The following APTX variants were observed in gnomAD, a reference collection of about 807,000 sequenced individuals.
APTX encodes the protein forkhead-associated domain histidine triad-like protein.
A neutral mutation model predicts 42.3 loss-of-function variants in APTX; 33 were observed. That is an observed-to-expected ratio of 0.78 (90% confidence interval 0.59 to 1.04). The LOEUF (loss-of-function observed/expected upper bound fraction) is 1.04. Among genes scored for constraint, APTX ranks in the 50% least tolerant of loss-of-function variants. The probability of loss-of-function intolerance (pLI) is 0.00; values close to 1 mark genes in which losing one functional copy is unlikely to be tolerated. For synonymous variants in APTX, 130 were observed against 146.7 expected, an observed-to-expected ratio of 0.89 and a Z score of 0.82; for missense variants, 421 against 415.1, an observed-to-expected ratio of 1.01 and a Z score of -0.12.
intron 1 of APTX, among the ~76,000 whole-genome samples, chr9:33,000,625 CAAA>C (rs60760701): frequency 3.2e-4 from 20 of 63,426 alleles, no homozygotes; most frequent in African/African-American, 7.7e-4. Context: ...GACTCTGTCT[CAAA>C]AAAAAAAAAA....
chr9:32,989,165 A>T (rs1244523906), intron 2 of APTX, among the ~76,000 whole-genome samples: 1 of 152,198 alleles, frequency 6.6e-6, no homozygotes, highest in Non-Finnish European at 1.5e-5. Flanking sequence ...CTCATATAGG[A>T]AAGATCATAA....
intron 1 of APTX, among the ~76,000 whole-genome samples, chr9:33,008,615 G>C (rs980619069): frequency 6.7e-6 from 1 of 149,314 alleles, no homozygotes. Flanking sequence ...GCAGTGGCAC[G>C]ATCTTGGCTC....
At position 32,986,036 on chromosome 9, in the gene APTX, A is replaced by G; in HGVS notation, c.484-6T>C. ...CTCCAGTGGCCCAGGGATTCCTAAA[A>G]AAAAAACAAAAAAAAAAACAAAAAA... is the stretch of plus-strand genomic sequence containing the variant. On this transcript the variant is annotated splice_polypyrimidine_tract_variant and splice_region_variant and intron_variant, in intron 4 of 7. Transcript: ENST00000379817. 1 of 675,606 alleles carries G rather than the reference A, an allele frequency of 1.5e-6. No homozygotes were observed. Among genetic ancestry groups the G allele is most frequent in the Non-Finnish European group, 2.2e-6 (1 of 463,476 alleles). The allele number at this position is 675,606 out of a possible 1,614,324, so 41.9% of individuals were successfully genotyped here.
chr9:32,976,694 C>T lies in APTX; in HGVS notation c.771-2133G>A, dbSNP rs141455079. On this transcript the variant is annotated intron_variant, in intron 6 of 7. Transcript: ENST00000379817. ...ATCAGAAGCTTTCACTCTTGAAAAGCGTCCTAAACTAAAACAGTGTTCTTC... is the reference window on the plus strand; with the variant it reads ...ATCAGAAGCTTTCACTCTTGAAAAGTGTCCTAAACTAAAACAGTGTTCTTC... Among the ~76,000 whole-genome samples, 420 of 152,294 alleles carry T rather than the reference C, an allele frequency of 2.8e-3. 2 individuals carry two copies. The highest frequency in any genetic ancestry group is 9.7e-3 in the African/African-American group (404 of 41,560).
At chr9:33,023,449 C>A (rs1838562662) in intron 1 of APTX, among the ~76,000 whole-genome samples, 1 of 151,628 alleles carries the variant, frequency 6.6e-6, no homozygotes, top group Non-Finnish European at 1.5e-5. Context: ...GTCTAGAACT[C>A]CGGATCTCAG....
intron 1 of APTX, among the ~76,000 whole-genome samples, chr9:33,020,646 A>G (rs967488664): frequency 6.6e-6 from 1 of 152,258 alleles, no homozygotes; most frequent in Non-Finnish European, 1.5e-5. Flanking sequence ...AGATGAGGAA[A>G]GAGAAAAGAA....
At chr9:32,973,920 C>T (rs941581183) in intron 7 of APTX, among the ~76,000 whole-genome samples, 1 of 152,078 alleles carries the variant, frequency 6.6e-6, no homozygotes, top group Non-Finnish European at 1.5e-5. Flanking sequence ...CATCAGAGTG[C>T]TTTACCTCTG....
At position 32,973,413 on chromosome 9, in the gene APTX, G is replaced by T; in HGVS notation, c.*85C>A. On this transcript the variant is annotated 3_prime_UTR_variant, in exon 8 of 8. Coordinates refer to ENST00000379817, the MANE Select transcript of APTX (RefSeq NM_001195248.2). ...CTGCATGTTTTAATTTAGGAAATGA[G>T]TAGAAGTTCACAAGCAACCCAGAAT... is the stretch of plus-strand genomic sequence containing the variant. The T allele has an allele frequency of 1.4e-6, 2 of 1,455,978 alleles. No homozygotes were observed. The highest frequency in any genetic ancestry group is 1.9e-6 in the Non-Finnish European group (2 of 1,039,202). 90.2% of individuals were successfully genotyped at this position (1,455,978 alleles called of 1,614,324 possible). A position where few individuals can be genotyped will look rare whatever the true frequency, so the allele number is the denominator to read the frequency against.
chr9:33,002,346 C>G (rs1419430582), upstream of APTX, among the ~76,000 whole-genome samples: 1 of 152,156 alleles, frequency 6.6e-6, no homozygotes, highest in Non-Finnish European at 1.5e-5. Context: ...CTGCTAGGCC[C>G]ATCTGTGCAC....
chr9:33,013,785 C>T (rs535061158), intron 1 of APTX, among the ~76,000 whole-genome samples: 10 of 152,258 alleles, frequency 6.6e-5, no homozygotes, highest in Admixed American at 2.6e-4. Flanking sequence ...GCCTGGGCGA[C>T]GGTGCAAGAC....
intron 1 of APTX, among the ~76,000 whole-genome samples, chr9:32,995,523 T>C (rs1346235283): frequency 6.6e-6 from 1 of 152,174 alleles, no homozygotes; most frequent in East Asian, 1.9e-4. Flanking sequence ...TTGCTTCTTA[T>C]GGATGTGCAA....
intron 5 of APTX, among the ~76,000 whole-genome samples, chr9:32,985,293 G>A (rs1831670182): frequency 6.6e-6 from 1 of 150,444 alleles, no homozygotes; most frequent in Non-Finnish European, 1.5e-5. Context: ...TATAATTGAA[G>A]TGGGACTCAA....
intron 1 of APTX, among the ~76,000 whole-genome samples, chr9:33,021,379 C>G (rs1216600014): frequency 6.6e-6 from 1 of 152,044 alleles, no homozygotes; most frequent in African/African-American, 2.4e-5. Flanking sequence ...CACAATAAAA[C>G]TCACAATGGG....
chr9:33,013,767 G>A (rs1194499644), intron 1 of APTX, among the ~76,000 whole-genome samples: 2 of 152,214 alleles, frequency 1.3e-5, no homozygotes, highest in South Asian at 2.1e-4. Context: ...TTGCGCCACT[G>A]CACTCCAGCC....
rs1224291918 is a variant in APTX, at chr9:32,984,683, C to T, written c.718G>A (p.Gly240Arg). Reference sequence around the variant, plus strand: ...AATCGGAAGCGGAGTTTGCTGGACCCAGCAAAATCTACAATCACCTTTTCC... The same window carrying T: ...AATCGGAAGCGGAGTTTGCTGGACCTAGCAAAATCTACAATCACCTTTTCC... ...VGEKVIVDFA[G>R]SSKLRFRLGY... The change falls in exon 6 of 8, where the codon GGG (glycine) becomes AGG (arginine). Residue 240 changes from glycine (G) to arginine (R), a missense_variant. Coordinates refer to ENST00000379817, the MANE Select transcript of APTX (RefSeq NM_001195248.2). 3.7e-6 allele frequency: 6 copies of T among 1,614,176 alleles called. No homozygotes were observed. The highest frequency in any genetic ancestry group is 5.1e-6 in the Non-Finnish European group (6 of 1,180,024).
chr9:33,012,577 C>A (rs1837615362), intron 1 of APTX, among the ~76,000 whole-genome samples: 1 of 152,126 alleles, frequency 6.6e-6, no homozygotes, highest in African/African-American at 2.4e-5. Flanking sequence ...AGAAGCCCAA[C>A]TTAGCCACAT....
intron 1 of APTX, among the ~76,000 whole-genome samples, chr9:33,024,233 A>G (rs1838651588): frequency 6.6e-6 from 1 of 152,228 alleles, no homozygotes. Context: ...GGCTGGTATC[A>G]AACTTCTGAG....
At chr9:32,988,175 A>C (rs192342726) in intron 2 of APTX, 46 bp from the exon 3 acceptor site, 1 of 1,560,748 alleles carries the variant, frequency 6.4e-7, no homozygotes, top group Non-Finnish European at 8.8e-7. Context: ...ACAAAGAACC[A>C]GGCACTTGCT....
At position 32,985,722 on chromosome 9, in the gene APTX, A is replaced by G. The variant is rs187370028; in HGVS notation, c.543+249T>C. On this transcript the variant is annotated intron_variant, in intron 5 of 7. Coordinates refer to ENST00000379817, the MANE Select transcript of APTX (RefSeq NM_001195248.2). ...CTAAGGTTAATGCAACTTCCCTTAA[A>G]GTACCCAGAAGTTTAAAAGGCACAA... is the stretch of plus-strand genomic sequence containing the variant. Among the ~76,000 whole-genome samples the G allele has an allele frequency of 9.2e-5, 14 of 152,294 alleles. No individual in the cohort carries two copies. The East Asian group carries it at 2.7e-3, about 29-fold the overall frequency.
Sources: gnomAD v4.1 joint callset for allele counts (sites outside exome capture counted in the v4.1 genomes callset) on GRCh38, gnomAD v4.1.1 for gene constraint, MANE v1.5 for transcripts, NCBI Gene and HGNC (gene_info 2026-07-23, HGNC 2026-07-21) for gene names.